Variants in PRKCA observed in about 807,000 individuals in gnomAD.
PRKCA encodes protein kinase C alpha type.
A neutral mutation model predicts 87.0 loss-of-function variants in PRKCA; 27 were observed. That is an observed-to-expected ratio of 0.31 (90% CI 0.23 to 0.43). The LOEUF is 0.43. PRKCA is among the 20% of genes least tolerant of loss of function. The probability of loss-of-function intolerance (pLI) is 1.00; values close to 1 mark genes in which losing one functional copy is unlikely to be tolerated. For missense variants in PRKCA, 518 were observed against 852.3 expected (o/e 0.61, Z 4.88); for synonymous variants, 329 against 311.1 (o/e 1.06, Z -0.61).
chr17:66,778,796 C>T (rs1163465667), intron 14 of PRKCA, among the ~76,000 whole-genome samples: 2 of 144,496 alleles, frequency 1.4e-5, no homozygotes, highest in Admixed American at 1.4e-4. Flanking sequence ...GAGCTGTGAT[C>T]ATCACACCAC....
intron 3 of PRKCA, among the ~76,000 whole-genome samples, chr17:66,533,230 C>CT (rs1967630309): frequency 1.3e-5 from 2 of 152,192 alleles, no homozygotes; most frequent in Non-Finnish European, 2.9e-5. Context: ...GAATTCACTA[C>CT]TTTTTTCCCA....
intron 16 of PRKCA, among the ~76,000 whole-genome samples, chr17:66,802,656 CCTCGG>C (rs1194194593): frequency 6.6e-6 from 1 of 152,198 alleles, no homozygotes; most frequent in Non-Finnish European, 1.5e-5. Flanking sequence ...TGGCCTCTCG[CCTCGG>C]CTGGGTTCTG....
At chr17:66,558,594 C>T (rs1440222082) in intron 3 of PRKCA, among the ~76,000 whole-genome samples, 2 of 152,110 alleles carry the variant, frequency 1.3e-5, no homozygotes, top group African/African-American at 4.8e-5. Context: ...TGATTCTCAT[C>T]CAGCTGCAAA....
chr17:66,519,484 C>CT (rs1967085147), intron 3 of PRKCA, among the ~76,000 whole-genome samples: 1 of 152,160 alleles, frequency 6.6e-6, no homozygotes, highest in African/African-American at 2.4e-5. Context: ...TCTTGCTGCC[C>CT]TGGGACTATC....
intron 2 of PRKCA, among the ~76,000 whole-genome samples, chr17:66,424,951 G>T (rs1455810416): frequency 6.6e-6 from 1 of 151,808 alleles, no homozygotes; most frequent in Non-Finnish European, 1.5e-5. Flanking sequence ...TAGTAGAGAT[G>T]GGGTTTTACT....
At chr17:66,537,079 C>T (rs1022643045) in intron 3 of PRKCA, among the ~76,000 whole-genome samples, 3 of 152,116 alleles carry the variant, frequency 2.0e-5, no homozygotes, top group Non-Finnish European at 4.4e-5. Context: ...AGGGAAGCCC[C>T]GACTGTGCTC....
At chr17:66,647,997 A>G (rs1971498004) in intron 5 of PRKCA, among the ~76,000 whole-genome samples, 1 of 152,162 alleles carries the variant, frequency 6.6e-6, no homozygotes, top group Non-Finnish European at 1.5e-5. Flanking sequence ...GGTTATTTAT[A>G]AATAATGGGA....
At chr17:66,305,928 A>G (rs1344815396) in intron 1 of PRKCA, among the ~76,000 whole-genome samples, 168 bp from the exon 2 acceptor site, 1 of 152,194 alleles carries the variant, frequency 6.6e-6, no homozygotes, top group African/African-American at 2.4e-5. Flanking sequence ...CCAAGGTTGA[A>G]TTTACACAGT....
chr17:66,495,216 T>C (rs1916419823), intron 2 of PRKCA, among the ~76,000 whole-genome samples: 1 of 152,216 alleles, frequency 6.6e-6, no homozygotes, highest in African/African-American at 2.4e-5. Context: ...TACTGGGTAG[T>C]AGATTTTGCT....
intron 2 of PRKCA, among the ~76,000 whole-genome samples, chr17:66,350,083 G>T (rs1567784485): frequency 1.3e-5 from 2 of 152,228 alleles, no homozygotes; most frequent in Admixed American, 1.3e-4. Flanking sequence ...TGTCCTCAGA[G>T]CGATGGCCTT....
chr17:66,357,112 T>TG (rs1265413452), intron 2 of PRKCA, among the ~76,000 whole-genome samples: 1 of 152,168 alleles, frequency 6.6e-6, no homozygotes, highest in African/African-American at 2.4e-5. Flanking sequence ...GATAGTTTGA[T>TG]GGGGCAGGGT....
chr17:66,341,277 A>T (rs139327583), intron 2 of PRKCA, among the ~76,000 whole-genome samples: 268 of 152,322 alleles, frequency 1.8e-3, no homozygotes, highest in African/African-American at 6.0e-3. Flanking sequence ...GACAGTAAAT[A>T]TTAAGTAAGC....
rs192293601 is a variant in PRKCA, at chr17:66,638,391, A to G, written c.289-2964A>G. 5 of 152,248 alleles carry G rather than the reference A, an allele frequency of 3.3e-5. No homozygotes were observed. In the East Asian group the frequency reaches 9.7e-4, roughly 29 times the overall value. 9.4% of individuals were successfully genotyped at this position (152,248 alleles called of 1,614,324 possible). A position where few individuals can be genotyped will look rare whatever the true frequency, so the allele number is the denominator to read the frequency against. ...CATATAAAAAAAAATCTGAGGTCTG[A>G]TGTTCATCAACCATGTGATTTGGGG... On this transcript the variant is annotated intron_variant, in intron 3 of 16. Coordinates refer to ENST00000413366, the MANE Select transcript of PRKCA (RefSeq NM_002737.3).
intron 9 of PRKCA, 99 bp downstream of exon 9, chr17:66,732,924 C>T (rs1973938945): frequency 1.3e-5 from 18 of 1,423,168 alleles, no homozygotes; most frequent in Non-Finnish European, 1.7e-5. Context: ...ATTAGATTTC[C>T]CTGTGATTCA....
chr17:66,553,076 G>T (rs1968391730), intron 3 of PRKCA, among the ~76,000 whole-genome samples: 1 of 151,844 alleles, frequency 6.6e-6, no homozygotes, highest in Admixed American at 6.6e-5. Context: ...CTGCCCCCTG[G>T]GTTCAAGCGA....
At chr17:66,461,950 C>G (rs1451712097) in intron 2 of PRKCA, among the ~76,000 whole-genome samples, 1 of 147,408 alleles carries the variant, frequency 6.8e-6, no homozygotes, top group Admixed American at 6.9e-5. Flanking sequence ...GGGTTCCTAA[C>G]TACCGAGCAT....
At chr17:66,785,441 G>T (rs1207090781) in intron 14 of PRKCA, among the ~76,000 whole-genome samples, 3 of 152,132 alleles carry the variant, frequency 2.0e-5, no homozygotes, top group Non-Finnish European at 4.4e-5. Context: ...TCTTTCCCAC[G>T]AGAAAGGAAC....
chr17:66,474,445 G>A (rs1915454846), intron 2 of PRKCA, among the ~76,000 whole-genome samples: 1 of 152,298 alleles, frequency 6.6e-6, no homozygotes, highest in African/African-American at 2.4e-5. Flanking sequence ...CTATTGTTAT[G>A]CAAATTGGAA....
At chr17:66,716,480 A>G (rs1445469021) in intron 8 of PRKCA, among the ~76,000 whole-genome samples, 1 of 152,164 alleles carries the variant, frequency 6.6e-6, no homozygotes, top group Non-Finnish European at 1.5e-5. Flanking sequence ...ATTGTTGCAG[A>G]TGGAAAAACT....
Sources: gnomAD v4.1 joint callset for allele counts (sites outside exome capture counted in the v4.1 genomes callset) on GRCh38, gnomAD v4.1.1 for gene constraint, MANE v1.5 for transcripts, NCBI Gene and HGNC (gene_info 2026-07-23, HGNC 2026-07-21) for gene names.